SHISA9: variants seen among roughly 807,000 people sequenced by gnomAD.
The protein encoded by SHISA9 is protein shisa-9.
SHISA9 carries 13 observed loss-of-function variants against 38.0 expected under a neutral mutation model. The observed-to-expected ratio is 0.34, with a 90% CI of 0.22 to 0.54. The LOEUF (loss-of-function observed/expected upper bound fraction) is 0.54. SHISA9 is among the 20% of genes least tolerant of loss of function. The pLI, the probability that SHISA9 is intolerant of heterozygous loss-of-function variation, is 0.91. For synonymous variants in SHISA9, 275 were observed against 242.0 expected (o/e 1.14, Z -1.27); for missense variants, 538 against 575.8 (o/e 0.93, Z 0.67).
the SHISA9 span, among the ~76,000 whole-genome samples, chr16:13,532,118 C>T: frequency 6.6e-6 from 1 of 152,188 alleles, no homozygotes; most frequent in Non-Finnish European, 1.5e-5. Flanking sequence ...ATCTCCCTGT[C>T]AGCACGAAGA....
At chr16:13,326,171 C>A in the SHISA9 span, among the ~76,000 whole-genome samples, 1 of 151,908 alleles carries the variant, frequency 6.6e-6, no homozygotes, top group African/African-American at 2.4e-5. Context: ...TCTCTCTTAC[C>A]CTGCCTTTCC....
the SHISA9 span, among the ~76,000 whole-genome samples, chr16:13,477,058 A>G: frequency 6.6e-6 from 1 of 151,960 alleles, no homozygotes; most frequent in African/African-American, 2.4e-5. Context: ...TTTCTTTTGA[A>G]CAATGTTCTT....
chr16:13,378,285 G>A, the SHISA9 span, among the ~76,000 whole-genome samples: 1 of 152,164 alleles, frequency 6.6e-6, no homozygotes, highest in East Asian at 1.9e-4. Context: ...ATACAAACTT[G>A]CTCTGTTTCC....
intron 2 of SHISA9, among the ~76,000 whole-genome samples, chr16:12,973,520 A>T (rs1736316652): frequency 6.6e-6 from 1 of 152,156 alleles, no homozygotes; most frequent in African/African-American, 2.4e-5. Context: ...TTTGGCAGAC[A>T]ACTGGGAGGC....
the SHISA9 span, among the ~76,000 whole-genome samples, chr16:13,310,248 C>T: frequency 6.6e-6 from 1 of 151,908 alleles, no homozygotes; most frequent in African/African-American, 2.4e-5. Flanking sequence ...CCATTCAACT[C>T]GTGTTACAGT....
chr16:13,190,889 G>A (rs1351803254), intron 2 of SHISA9, among the ~76,000 whole-genome samples: 1 of 151,712 alleles, frequency 6.6e-6, no homozygotes, highest in Non-Finnish European at 1.5e-5. Context: ...ATTTTCCAAA[G>A]GTTTTATGAT....
the SHISA9 span, among the ~76,000 whole-genome samples, chr16:13,281,561 GT>G: frequency 0.023 from 1,669 of 72,308 alleles, 26 homozygotes; most frequent in African/African-American, 0.051. Flanking sequence ...TCATTCCTCT[GT>G]TTTTTTTTTT....
the SHISA9 span, among the ~76,000 whole-genome samples, chr16:13,470,085 A>G: frequency 6.6e-6 from 1 of 152,064 alleles, no homozygotes; most frequent in South Asian, 2.1e-4. Context: ...TCTTTCCCCT[A>G]TTTACTCTTC....
the SHISA9 span, among the ~76,000 whole-genome samples, chr16:13,410,948 C>G: frequency 1.3e-5 from 2 of 152,118 alleles, no homozygotes; most frequent in South Asian, 4.1e-4. Flanking sequence ...ATCATTAAAT[C>G]TAAAACCAGA....
intron 2 of SHISA9, among the ~76,000 whole-genome samples, chr16:13,149,546 G>A (rs774541296): frequency 1.6e-4 from 24 of 152,114 alleles, no homozygotes; most frequent in Non-Finnish European, 2.5e-4. Context: ...AGCTCTACTA[G>A]CTCCTTGACC....
At chr16:13,340,669 GCT>G in the SHISA9 span, among the ~76,000 whole-genome samples, 1 of 152,208 alleles carries the variant, frequency 6.6e-6, no homozygotes, top group Non-Finnish European at 1.5e-5. Context: ...GCTTCAAACA[GCT>G]CTGTGGCTCC....
intron 2 of SHISA9, among the ~76,000 whole-genome samples, chr16:13,186,287 C>CTTTTTTTTTTTTTTTTTTTTTTT: frequency 8.1e-6 from 1 of 123,814 alleles, no homozygotes; most frequent in Non-Finnish European, 1.7e-5. Context: ...ACCATCTTAA[C>CTTTTTTTTTTTTTTTTTTTTTTT]CTTTTTTTTT....
chr16:13,321,096 G>A, the SHISA9 span, among the ~76,000 whole-genome samples: 1 of 152,190 alleles, frequency 6.6e-6, no homozygotes, highest in Admixed American at 6.5e-5. Flanking sequence ...AGCCCATGTG[G>A]CTAATGGTTA....
chr16:13,056,800 C>T (rs2073315852), intron 2 of SHISA9, among the ~76,000 whole-genome samples: 1 of 152,224 alleles, frequency 6.6e-6, no homozygotes, highest in African/African-American at 2.4e-5. Context: ...GCTACATAGG[C>T]ATTAGCTTAT....
At chr16:13,249,716 T>A in the SHISA9 span, among the ~76,000 whole-genome samples, 4 of 152,092 alleles carry the variant, frequency 2.6e-5, no homozygotes, top group Admixed American at 1.3e-4. Context: ...CTCCTTCACT[T>A]GATCTCCACC....
intron 2 of SHISA9, among the ~76,000 whole-genome samples, chr16:12,981,055 T>C (rs2072233709): frequency 6.6e-6 from 1 of 152,234 alleles, no homozygotes. Flanking sequence ...GTGTTGTTTT[T>C]CTTTCAAAAT....
chr16:13,468,661 G>T, the SHISA9 span, among the ~76,000 whole-genome samples: 1 of 152,096 alleles, frequency 6.6e-6, no homozygotes, highest in Admixed American at 6.5e-5. Context: ...TGAATCTGTA[G>T]ACTGGTCCTC....
At chr16:13,276,607 T>G in the SHISA9 span, among the ~76,000 whole-genome samples, 1 of 152,122 alleles carries the variant, frequency 6.6e-6, no homozygotes, top group Non-Finnish European at 1.5e-5. Context: ...ATGATGGTCA[T>G]TCTTGCAGGA....
chr16:13,529,247 C>G, the SHISA9 span, among the ~76,000 whole-genome samples: 28 of 152,226 alleles, frequency 1.8e-4, no homozygotes, highest in Non-Finnish European at 2.9e-4. Flanking sequence ...CAAAAGTTAA[C>G]TCACACACCC....
Sources: allele counts gnomAD v4.1 joint callset (sites outside exome capture counted in the v4.1 genomes callset), GRCh38; gene constraint gnomAD v4.1.1; transcripts MANE v1.5; gene names NCBI Gene and HGNC (gene_info 2026-07-23, HGNC 2026-07-21).